PCDH15: variants seen among roughly 807,000 people sequenced by gnomAD.
The protein encoded by PCDH15 is protocadherin-15.
PCDH15 carries 129 observed loss-of-function variants against 178.5 expected under a neutral mutation model. The observed-to-expected ratio is 0.72, with a 90% confidence interval of 0.63 to 0.84. The LOEUF (loss-of-function observed/expected upper bound fraction) is 0.84. Ranked by LOEUF, PCDH15 falls within the 40% of genes least tolerant of loss-of-function variation. The probability of loss-of-function intolerance (pLI) is 0.00; values close to 1 mark genes in which losing one functional copy is unlikely to be tolerated. For missense variants in PCDH15, 2,230 were observed against 2,099.9 expected (o/e 1.06, Z -1.21); for synonymous variants, 800 against 732.0 (o/e 1.09, Z -1.50).
At chr10:54,470,988 C>T (rs549189754) in intron 3 of PCDH15, among the ~76,000 whole-genome samples, 1 of 152,222 alleles carries the variant, frequency 6.6e-6, no homozygotes, top group South Asian at 2.1e-4. Flanking sequence ...CAACACCCCA[C>T]ACAATTGAAA....
At chr10:54,364,267 C>G (rs1174880250) in intron 5 of PCDH15, among the ~76,000 whole-genome samples, 2 of 150,362 alleles carry the variant, frequency 1.3e-5, no homozygotes, top group South Asian at 4.2e-4. Flanking sequence ...CACTTTTTAA[C>G]TGTAATTTTT....
intron 2 of PCDH15, among the ~76,000 whole-genome samples, chr10:55,157,219 G>A (rs1454679012): frequency 6.6e-6 from 1 of 151,962 alleles, no homozygotes; most frequent in Admixed American, 6.6e-5. Flanking sequence ...CATCATCACT[G>A]GCCATCAGAG....
chr10:54,040,667 A>G (rs2093522066), intron 18 of PCDH15, among the ~76,000 whole-genome samples: 2 of 152,016 alleles, frequency 1.3e-5, no homozygotes, highest in South Asian at 4.1e-4. Flanking sequence ...TATATAATAA[A>G]GGGTACTTGT....
At chr10:54,464,714 T>C (rs1039631105) in intron 3 of PCDH15, among the ~76,000 whole-genome samples, 2 of 152,190 alleles carry the variant, frequency 1.3e-5, no homozygotes, top group Non-Finnish European at 2.9e-5. Flanking sequence ...TCCAGTATGA[T>C]AGTAAAATAC....
chr10:54,900,801 C>T (rs1200560251), intron 2 of PCDH15, among the ~76,000 whole-genome samples: 1 of 152,106 alleles, frequency 6.6e-6, no homozygotes, highest in Non-Finnish European at 1.5e-5. Flanking sequence ...ATGTAGTAAA[C>T]TTGTCACAAA....
intron 2 of PCDH15, among the ~76,000 whole-genome samples, chr10:55,589,229 T>A (rs76675933): frequency 1.5e-3 from 228 of 152,280 alleles, no homozygotes; most frequent in Admixed American, 0.01. Flanking sequence ...AATTAATTTT[T>A]GTATAAGGTG....
intron 2 of PCDH15, among the ~76,000 whole-genome samples, chr10:54,636,101 T>C (rs940126048): frequency 3.9e-5 from 6 of 151,970 alleles, no homozygotes; most frequent in African/African-American, 1.4e-4. Flanking sequence ...AAAAACTGAA[T>C]ACTAATCCAT....
chr10:55,494,705 C>A (rs1279304705), intron 2 of PCDH15, among the ~76,000 whole-genome samples: 1 of 151,754 alleles, frequency 6.6e-6, no homozygotes, highest in Non-Finnish European at 1.5e-5. Flanking sequence ...AATCTTTACT[C>A]CTGGATAACT....
intron 3 of PCDH15, chr10:54,864,585 A>G (rs546361349): frequency 6.6e-6 from 1 of 152,318 alleles, no homozygotes; most frequent in East Asian, 1.9e-4. Flanking sequence ...TCTATGGGTC[A>G]GAAGTCCAAT....
intron 2 of PCDH15, among the ~76,000 whole-genome samples, chr10:54,562,872 T>G (rs1483041280): frequency 1.3e-5 from 2 of 152,140 alleles, no homozygotes; most frequent in African/African-American, 4.8e-5. Context: ...AGGTCAATAT[T>G]ATACCCACCT....
At chr10:54,524,476 TATAGTTGCTGTAAAGCAGCC>T (rs2083190718) in intron 3 of PCDH15, among the ~76,000 whole-genome samples, 1 of 152,210 alleles carries the variant, frequency 6.6e-6, no homozygotes, top group Admixed American at 6.5e-5. Context: ...AATGTCAATC[TATAGTTGCTGTAAAGCAGCC>T]AAGGACTCTG....
chr10:54,523,655 C>G (rs969536740), intron 3 of PCDH15, among the ~76,000 whole-genome samples: 31 of 152,112 alleles, frequency 2.0e-4, no homozygotes, highest in African/African-American at 6.7e-4. Flanking sequence ...ATTTTAAGTC[C>G]AAAATATTTT....
At chr10:54,073,481 A>AC (rs1442920292) in intron 17 of PCDH15, among the ~76,000 whole-genome samples, 1 of 152,166 alleles carries the variant, frequency 6.6e-6, no homozygotes, top group Non-Finnish European at 1.5e-5. Flanking sequence ...TTGATTATGA[A>AC]GTTAAATGCT....
intron 3 of PCDH15, among the ~76,000 whole-genome samples, chr10:54,412,807 C>T (rs372394636): frequency 7.2e-5 from 11 of 152,150 alleles, no homozygotes; most frequent in East Asian, 1.9e-4. Context: ...CTGCAATCTC[C>T]GCTTCCCTGG....
At chr10:54,061,632 T>C (rs2094015342) in intron 18 of PCDH15, among the ~76,000 whole-genome samples, 1 of 152,144 alleles carries the variant, frequency 6.6e-6, no homozygotes, top group Non-Finnish European at 1.5e-5. Flanking sequence ...TCTATTATAA[T>C]GTCTCTTTTT....
rs59756150 is a variant in PCDH15, at chr10:54,383,985, A to ATT, written c.158-5045_158-5044dup. Among the ~76,000 whole-genome samples, 874 of 129,054 alleles carry ATT rather than the reference A, an allele frequency of 6.8e-3. 13 individuals carry two copies. The highest frequency in any genetic ancestry group is 0.022 in the Middle Eastern group (5 of 232). 84.7% of individuals were successfully genotyped at this position (129,054 alleles called of 152,430 possible). A position where few individuals can be genotyped will look rare whatever the true frequency, so the allele number is the denominator to read the frequency against. ...AGGCACCTGCCACCACAAACAGTTA[A>ATT]TTTTTTTTTTTTTTTTTTTTTTTTT... On this transcript the variant is annotated intron_variant, in intron 3 of 37. Transcript: ENST00000644397.
intron 2 of PCDH15, among the ~76,000 whole-genome samples, chr10:55,165,419 G>A (rs1468105504): frequency 1.3e-5 from 2 of 151,710 alleles, no homozygotes; most frequent in East Asian, 3.9e-4. Context: ...TTTAAAACTT[G>A]AGCATATTAT....
intron 8 of PCDH15, among the ~76,000 whole-genome samples, chr10:54,308,397 C>T (rs1026702975): frequency 8.5e-5 from 13 of 152,088 alleles, no homozygotes; most frequent in African/African-American, 2.9e-4. Context: ...GTTCATACAA[C>T]TAAACTAACG....
chr10:54,951,425 T>C lies in PCDH15; in HGVS notation c.-79-53925A>G, dbSNP rs148447411. On this transcript the variant is annotated intron_variant, in intron 2 of 5. Transcript: ENST00000458638. Reference sequence around the variant, plus strand: ...CTCATTTTTAAATTACTGAATGATATTCAATTTTATGGATATAACACCATT... The same window carrying C: ...CTCATTTTTAAATTACTGAATGATACTCAATTTTATGGATATAACACCATT... Among the ~76,000 whole-genome samples the C allele has an allele frequency of 6.3e-3, 961 of 152,014 alleles. 12 individuals are homozygous for C. Among genetic ancestry groups the C allele is most frequent in the African/African-American group, 0.022 (909 of 41,512 alleles).
Sources: allele counts gnomAD v4.1 joint callset (sites outside exome capture counted in the v4.1 genomes callset), GRCh38; gene constraint gnomAD v4.1.1; transcripts MANE v1.5; gene names NCBI Gene and HGNC (gene_info 2026-07-23, HGNC 2026-07-21).